The following TMEM230 variants were observed in gnomAD, a reference collection of about 807,000 sequenced individuals.
TMEM230 encodes the protein UPF0414 transmembrane protein C20orf30.
In TMEM230, 10 loss-of-function variants were observed where a neutral mutation model predicts 15.8. The observed-to-expected ratio is 0.63, with a 90% confidence interval of 0.39 to 1.07. The LOEUF is 1.07. TMEM230 is among the 50% of genes least tolerant of loss of function. TMEM230 has a pLI of 0.01. For missense variants in TMEM230, 165 were observed against 193.3 expected, an observed-to-expected ratio of 0.85 and a Z score of 0.87; for synonymous variants, 67 against 76.9, an observed-to-expected ratio of 0.87 and a Z score of 0.68.
At chr20:5,087,248 G>A (rs543749842) in intron 3 of TMEM230, among the ~76,000 whole-genome samples, 33 of 152,152 alleles carry the variant, frequency 2.2e-4, no homozygotes, top group African/African-American at 5.5e-4. Flanking sequence ...ACACCATCAC[G>A]GCCTCAGCTG....
chr20:5,085,149 C>T (rs944499457), intron 3 of TMEM230, among the ~76,000 whole-genome samples: 1 of 152,148 alleles, frequency 6.6e-6, no homozygotes, highest in Admixed American at 6.6e-5. Context: ...CTCCAGATTG[C>T]CACCTACAAC....
intron 3 of TMEM230, among the ~76,000 whole-genome samples, chr20:5,084,880 C>A (rs116276908): frequency 1.1e-3 from 168 of 152,344 alleles, no homozygotes; most frequent in African/African-American, 3.8e-3. Flanking sequence ...TTTATCCAGG[C>A]CACTGTTGAT....
At chr20:5,060,108 TGCTATATTGTTCAG>T in the TMEM230 span, among the ~76,000 whole-genome samples, 4 of 151,924 alleles carry the variant, frequency 2.6e-5, no homozygotes, top group African/African-American at 9.7e-5. Flanking sequence ...GATGACTTCT[TGCTATATTGTTCAG>T]GCTAGTCTTG....
intron 3 of TMEM230, among the ~76,000 whole-genome samples, chr20:5,083,144 T>A (rs2089231985): frequency 6.6e-6 from 1 of 151,864 alleles, no homozygotes; most frequent in Non-Finnish European, 1.5e-5. Context: ...GCCATGCTGG[T>A]CTCGAACTCC....
At position 5,099,999 on chromosome 20, in the gene TMEM230, A is replaced by T. The variant is rs981431677; in HGVS notation, c.*792T>A. 3 of 985,224 alleles carry T rather than the reference A, an allele frequency of 3.0e-6. No individual in the cohort carries two copies. Among genetic ancestry groups the T allele is most frequent in the African/African-American group, 1.7e-5 (1 of 57,224 alleles). The allele number at this position is 985,224 out of a possible 1,614,324, so 61.0% of individuals were successfully genotyped here. Reference sequence around the variant, plus strand: ...ATCCAGGCTGATCCTTGGAATCATGAGCAGAATGATGACATACTACAAGGT... The same window carrying T: ...ATCCAGGCTGATCCTTGGAATCATGTGCAGAATGATGACATACTACAAGGT... On this transcript the variant is annotated 3_prime_UTR_variant, in exon 5 of 5. Transcript: ENST00000342308.
At chr20:5,064,061 G>A (rs537749878), downstream of TMEM230, among the ~76,000 whole-genome samples, 5 of 152,174 alleles carry the variant, frequency 3.3e-5, no homozygotes, top group African/African-American at 9.6e-5. Context: ...GAGGTCAGGA[G>A]TTCGAGACCA....
chr20:5,090,379 T>A (rs373444268), intron 3 of TMEM230, among the ~76,000 whole-genome samples: 44 of 151,714 alleles, frequency 2.9e-4, no homozygotes, highest in African/African-American at 1.1e-3. Flanking sequence ...GAGAGAAAAA[T>A]GACGACAAAG....
intron 3 of TMEM230, among the ~76,000 whole-genome samples, chr20:5,106,834 T>C (rs1161524510): frequency 1.3e-5 from 2 of 152,204 alleles, no homozygotes; most frequent in East Asian, 1.9e-4. Context: ...TCCTCTCAAG[T>C]AGCTGGGACT....
intron 3 of TMEM230, among the ~76,000 whole-genome samples, chr20:5,076,018 AG>A (rs1271957606): frequency 6.6e-6 from 1 of 151,762 alleles, no homozygotes; most frequent in Non-Finnish European, 1.5e-5. Context: ...CTGAGGTGGG[AG>A]GGTCGCTTGA....
intron 3 of TMEM230, among the ~76,000 whole-genome samples, chr20:5,079,485 CTT>C (rs1298252942): frequency 6.6e-6 from 1 of 152,092 alleles, no homozygotes; most frequent in Non-Finnish European, 1.5e-5. Flanking sequence ...AATATTGAGA[CTT>C]TAGGTTTTTG....
chr20:5,071,330 G>C (rs1215847258), intron 3 of TMEM230, among the ~76,000 whole-genome samples: 2 of 151,960 alleles, frequency 1.3e-5, no homozygotes, highest in African/African-American at 4.8e-5. Flanking sequence ...TGCATGTAAG[G>C]GTACATAGAT....
rs2089229403 is a variant in TMEM230, at chr20:5,083,023, G to A, written c.223-13674C>T. 3.3e-5 allele frequency among the ~76,000 whole-genome samples: 5 copies of A among 151,212 alleles called. No individual in the cohort carries two copies. In the South Asian group the frequency reaches 1.0e-3, roughly 32 times the overall value. On this transcript the variant is annotated intron_variant, in intron 3 of 3. Coordinates refer to the TMEM230 transcript ENST00000612323. ...GCTCATTGCAACCTCCACCTCCCGG[G>A]TTCAAGCGATTCTCCTGCCTCAGCC...
intron 3 of TMEM230, among the ~76,000 whole-genome samples, chr20:5,078,823 T>C (rs2089087494): frequency 6.6e-6 from 1 of 152,206 alleles, no homozygotes; most frequent in Non-Finnish European, 1.5e-5. Flanking sequence ...AGACTCTTGC[T>C]CTGTTGCCCA....
At chr20:5,063,070 T>C in the TMEM230 span, among the ~76,000 whole-genome samples, 2 of 151,980 alleles carry the variant, frequency 1.3e-5, no homozygotes, top group Non-Finnish European at 2.9e-5. Flanking sequence ...TCCAGGACAG[T>C]GAAGCCTCAC....
intron 3 of TMEM230, among the ~76,000 whole-genome samples, chr20:5,089,345 A>G (rs890673752): frequency 6.6e-6 from 1 of 151,562 alleles, no homozygotes; most frequent in African/African-American, 2.4e-5. Context: ...ACTGCATTCC[A>G]GCTTGGGCAA....
intron 4 of TMEM230, among the ~76,000 whole-genome samples, chr20:5,102,017 C>A (rs1177169824): frequency 6.6e-6 from 1 of 152,184 alleles, no homozygotes; most frequent in East Asian, 1.9e-4. Context: ...CAGCTACAGC[C>A]CTTTACCAAT....
chr20:5,100,963 C>T, intron 4 of TMEM230, 32 bp from the exon 4 acceptor site: 2 of 1,611,890 alleles, frequency 1.2e-6, no homozygotes, highest in South Asian at 1.1e-5. Flanking sequence ...CACATTAGTA[C>T]CGTAAGAGTT....
chr20:5,108,010 A>G (rs1260381704), intron 3 of TMEM230, among the ~76,000 whole-genome samples: 1 of 151,836 alleles, frequency 6.6e-6, no homozygotes, highest in African/African-American at 2.4e-5. Flanking sequence ...GCTACTAGGG[A>G]GGCTGAGGTA....
chr20:5,080,917 T>C lies in TMEM230; in HGVS notation c.223-11568A>G, dbSNP rs868161824. Among the ~76,000 whole-genome samples, 68 of 152,322 alleles carry C rather than the reference T, an allele frequency of 4.5e-4. 1 individual carries two copies. Among genetic ancestry groups the C allele is most frequent in the Middle Eastern group, 3.4e-3 (1 of 294 alleles). ...TTACACACTGTGGCCCCTGGACCCC[T>C]GCTGATCCATGAACTGTCTGTTACT... is the stretch of plus-strand genomic sequence containing the variant. On this transcript the variant is annotated intron_variant, in intron 3 of 3. Transcript: ENST00000612323.
Sources: gnomAD v4.1 joint callset for allele counts (sites outside exome capture counted in the v4.1 genomes callset) on GRCh38, gnomAD v4.1.1 for gene constraint, MANE v1.5 for transcripts, NCBI Gene and HGNC (gene_info 2026-07-23, HGNC 2026-07-21) for gene names.